TRPV1: variants seen among roughly 807,000 people sequenced by gnomAD.
TRPV1 encodes transient receptor potential cation channel subfamily V member 1.
TRPV1 carries 82 observed loss-of-function variants against 82.3 expected under a neutral mutation model. The observed-to-expected ratio is 1.00, with a 90% confidence interval of 0.83 to 1.20. The LOEUF (loss-of-function observed/expected upper bound fraction) is 1.20, where lower values mean the gene tolerates loss of function less well. TRPV1 is among the 50% of genes most tolerant of loss of function. TRPV1 has a pLI of 0.00. For missense variants in TRPV1, 1,067 were observed against 1,096.8 expected, an observed-to-expected ratio of 0.97 and a Z score of 0.38; for synonymous variants, 515 against 467.7, an observed-to-expected ratio of 1.10 and a Z score of -1.30.
Position 3,588,636 on chromosome 17 carries a change from C to T in TRPV1, c.1045-269G>A, listed in dbSNP as rs938740329. ...CCAGCCTGGCCAACATGGCAAAATCCTGTTTTTACTGAAAATACAAAAAAA... is the reference window on the plus strand; with the variant it reads ...CCAGCCTGGCCAACATGGCAAAATCTTGTTTTTACTGAAAATACAAAAAAA... On this transcript the variant is annotated intron_variant, in intron 7 of 16. Transcript: ENST00000572705. Among the ~76,000 whole-genome samples, 5 of 151,394 alleles carry T rather than the reference C, an allele frequency of 3.3e-5. 1 individual carries two copies. Among genetic ancestry groups the T allele is most frequent in the Non-Finnish European group, 7.4e-5 (5 of 67,860 alleles).
chr17:3,583,805 A>T (rs1399920464), intron 9 of TRPV1, among the ~76,000 whole-genome samples: 2 of 152,206 alleles, frequency 1.3e-5, no homozygotes, highest in African/African-American at 4.8e-5. Context: ...GCCCATGGCC[A>T]GTCTCCCACG....
chr17:3,568,478 TCA>T (rs2074805385), intron 16 of TRPV1, among the ~76,000 whole-genome samples: 1 of 152,036 alleles, frequency 6.6e-6, no homozygotes. Flanking sequence ...CCAACTAAAC[TCA>T]CAGGAAAATC....
At chr17:3,590,494 G>A (rs2075143757) in intron 5 of TRPV1, 102 bp from the exon 6 acceptor site, 12 of 1,506,472 alleles carry the variant, frequency 8.0e-6, no homozygotes, top group Non-Finnish European at 1.1e-5. Context: ...TGCTGCAGGA[G>A]GAACTGGGCA....
intron 2 of TRPV1, among the ~76,000 whole-genome samples, chr17:3,601,597 T>C (rs2075263787): frequency 6.6e-6 from 1 of 151,666 alleles, no homozygotes; most frequent in Non-Finnish European, 1.5e-5. Context: ...AAAGAGCTCA[T>C]TTCTCACCTT....
chr17:3,570,446 CT>C, intron 16 of TRPV1, among the ~76,000 whole-genome samples: 1 of 151,566 alleles, frequency 6.6e-6, no homozygotes, highest in Non-Finnish European at 1.5e-5. Flanking sequence ...CTTAATGACA[CT>C]AAACTGTACA....
intron 14 of TRPV1, among the ~76,000 whole-genome samples, chr17:3,572,482 G>A (rs913929511): frequency 8.5e-5 from 13 of 152,284 alleles, no homozygotes; most frequent in African/African-American, 2.2e-4. Context: ...GGTGCCTGCC[G>A]GGCCTGGGCA....
In TRPV1 at chr17:3,566,573, G is replaced by A; in HGVS notation, c.*242C>T. 1 of 457,018 alleles carries A rather than the reference G, an allele frequency of 2.2e-6. No homozygotes were observed. The highest frequency in any genetic ancestry group is 3.7e-5 in the Admixed American group (1 of 27,258). The allele number at this position is 457,018 out of a possible 1,614,324, so 28.3% of individuals were successfully genotyped here. On this transcript the variant is annotated 3_prime_UTR_variant, in exon 17 of 17. Transcript: ENST00000572705. ...CTGACCATCCAAACTGTTTAGTAAA[G>A]TGAGTAAAAACCTGAAAGTCTGTTA...
At chr17:3,596,796 G>A (rs1171257224) in intron 2 of TRPV1, 1 of 152,366 alleles carries the variant, frequency 6.6e-6, no homozygotes, top group East Asian at 1.9e-4. Context: ...GGCACAGAGA[G>A]GTGAGTGGAC....
rs2075141592 is a variant in TRPV1 at position 3,590,362 on chromosome 17, C to T, written c.635G>A (p.Arg212Lys). The change falls in exon 6 of 17, where the codon AGA becomes AAA. Residue 212 changes from arginine (R) to lysine (K), a missense_variant. Transcript: ENST00000572705. ...GQTALHIAIE[R>K]RNMALVTLLV... is the part of the protein sequence containing the mutation. ...GAGGGTCACCAGGGCCATGTTGCGTCTCTCGATGGCGATGTGCAGTGCTGT... is the reference window on the plus strand; with the variant it reads ...GAGGGTCACCAGGGCCATGTTGCGTTTCTCGATGGCGATGTGCAGTGCTGT... 6.2e-7 allele frequency: 1 copy of T among 1,614,006 alleles called. No individual in the cohort carries two copies. The highest frequency in any genetic ancestry group is 2.2e-5 in the East Asian group (1 of 44,878).
chr17:3,568,495 G>C, intron 16 of TRPV1, among the ~76,000 whole-genome samples: 1 of 152,192 alleles, frequency 6.6e-6, no homozygotes, highest in South Asian at 2.1e-4. Context: ...AAAATCACAC[G>C]ATCGCAGGAG....
rs202156842 is a variant in TRPV1, at chr17:3,591,064, G to C, written c.504C>G (p.Asp168Glu). ...CLLKAMLNLH[D>E]GQNTTIPLLL... ...GCAGGGGGATGGTGGTGTTCTGTCC[G>C]TCGTGCAGGTTGAGCATGGCTTTCA... The change falls in exon 5 of 17, where the codon GAC becomes GAG. Residue 168 changes from aspartate to glutamate, a missense_variant. By Grantham distance (45) the Asp-to-Glu change is conservative. Coordinates refer to ENST00000572705, the MANE Select transcript of TRPV1 (RefSeq NM_080704.4). 11 of 1,613,122 alleles carry C rather than the reference G, an allele frequency of 6.8e-6. No individual in the cohort carries two copies. Among genetic ancestry groups the C allele is most frequent in the Non-Finnish European group, 9.3e-6 (11 of 1,179,606 alleles).
chr17:3,594,895 A>G (rs759256666), intron 2 of TRPV1, among the ~76,000 whole-genome samples: 3 of 152,202 alleles, frequency 2.0e-5, no homozygotes, highest in Non-Finnish European at 4.4e-5. Context: ...CTGGAGACAG[A>G]CAGGGAAGCC....
At chr17:3,606,210 C>T (rs1220527489) in intron 2 of TRPV1, among the ~76,000 whole-genome samples, 1 of 152,196 alleles carries the variant, frequency 6.6e-6, no homozygotes, top group Non-Finnish European at 1.5e-5. Context: ...GATCCGCCCT[C>T]CTCGGCCTCC....
At position 3,566,187 on chromosome 17, in the gene TRPV1, AAAG is replaced by A. The variant is rs2074760464; in HGVS notation, c.*625_*627del. On this transcript the variant is annotated 3_prime_UTR_variant, in exon 17 of 17. Transcript: ENST00000572705. Reference sequence around the variant, plus strand: ...AACTCTGTCTCACAGAAAAAAAAAAAAAGAATAAAATCAAAGAAAACAGCCAGG... The same window carrying A: ...AACTCTGTCTCACAGAAAAAAAAAAAAATAAAATCAAAGAAAACAGCCAGG... 6.7e-6 allele frequency: 1 copy of A among 148,218 alleles called. No individual in the cohort carries two copies. The highest frequency in any genetic ancestry group is 2.5e-5 in the African/African-American group (1 of 40,002). 9.2% of individuals were successfully genotyped at this position (148,218 alleles called of 1,614,324 possible).
intron 2 of TRPV1, among the ~76,000 whole-genome samples, chr17:3,595,426 C>T (rs2075210576): frequency 6.6e-6 from 1 of 152,050 alleles, no homozygotes; most frequent in African/African-American, 2.4e-5. Flanking sequence ...CAGACCCAGA[C>T]TCCACAGCAG....
At chr17:3,588,826 A>AAAAAAC in intron 7 of TRPV1, 3 of 1,276,004 alleles carry the variant, frequency 2.4e-6, no homozygotes, top group Non-Finnish European at 3.2e-6. Context: ...AAAAAAAAAA[A>AAAAAAC]AAAACAAAAC....
In TRPV1 at chr17:3,566,677, A is replaced by G; in HGVS notation, c.*138T>C. 9.3e-7 allele frequency: 1 copy of G among 1,075,612 alleles called. No individual in the cohort carries two copies. The allele number at this position is 1,075,612 out of a possible 1,614,324, so 66.6% of individuals were successfully genotyped here. On this transcript the variant is annotated 3_prime_UTR_variant, in exon 17 of 17. Coordinates refer to ENST00000572705, the MANE Select transcript of TRPV1 (RefSeq NM_080704.4). Reference sequence around the variant, plus strand: ...CAAGAACGCTTCCCACAGCTTGTCCAGCACAGATTTGGGAACATGCTGGGC... The same window carrying G: ...CAAGAACGCTTCCCACAGCTTGTCCGGCACAGATTTGGGAACATGCTGGGC...
In TRPV1 at chr17:3,566,576, A is replaced by C. The variant is rs1422514924; in HGVS notation, c.*239T>G. The stretch of plus-strand genomic sequence containing the variant: ...ACCATCCAAACTGTTTAGTAAAGTG[A>C]GTAAAAACCTGAAAGTCTGTTAGGA... On this transcript the variant is annotated 3_prime_UTR_variant, in exon 17 of 17. Transcript: ENST00000572705. The C allele has an allele frequency of 4.3e-6, 2 of 463,082 alleles. No homozygotes were observed. The highest frequency in any genetic ancestry group is 7.6e-6 in the Non-Finnish European group (2 of 262,454). 28.7% of individuals were successfully genotyped at this position (463,082 alleles called of 1,614,324 possible).
chr17:3,599,986 T>C lies in TRPV1; in HGVS notation c.-33-7603A>G, dbSNP rs1452377979. ...GGATGGATGGACCACATTTTGCTCA[T>C]CCATTCACCAGCTGATGAACACTTG... is the stretch of plus-strand genomic sequence containing the variant. On this transcript the variant is annotated intron_variant, in intron 2 of 16. Coordinates refer to ENST00000572705, the MANE Select transcript of TRPV1 (RefSeq NM_080704.4). Among the ~76,000 whole-genome samples, 3 of 152,310 alleles carry C rather than the reference T, an allele frequency of 2.0e-5. No individual in the cohort carries two copies. In the South Asian group the frequency reaches 6.2e-4, roughly 32 times the overall value.
Sources: gnomAD v4.1 joint callset for allele counts (sites outside exome capture counted in the v4.1 genomes callset) on GRCh38, gnomAD v4.1.1 for gene constraint, MANE v1.5 for transcripts, NCBI Gene and HGNC (gene_info 2026-07-23, HGNC 2026-07-21) for gene names.